Variants in STK31 observed in about 807,000 individuals in gnomAD.
STK31 encodes serine/threonine kinase 31, also known as serine/threonine-protein kinase 31.
In STK31, 89 loss-of-function variants were observed where a neutral mutation model predicts 129.7. The ratio of observed to expected loss-of-function variants is 0.69; its 90% CI spans 0.58 to 0.82. The LOEUF (loss-of-function observed/expected upper bound fraction) is 0.82. STK31 is among the 40% of genes least tolerant of loss of function. The pLI is 0.00. For missense variants in STK31, 1,187 were observed against 1,176.4 expected (o/e 1.01, Z -0.13); for synonymous variants, 448 against 395.3 (o/e 1.13, Z -1.58).
rs1787459237 is a variant in STK31 at position 23,731,975 on chromosome 7, A to T, written c.483+2726A>T. Among the ~76,000 whole-genome samples the T allele has an allele frequency of 5.9e-5, 9 of 152,306 alleles. No individual in the cohort carries two copies. The South Asian group carries it at 1.9e-3, about 32-fold the overall frequency. On this transcript the variant is annotated intron_variant, in intron 6 of 23. Coordinates refer to ENST00000355870, the MANE Select transcript of STK31 (RefSeq NM_031414.5). ...TGACATTCATCTTTTTTAATGATTG[A>T]AAGCCTTATGTTCTAAACCAGTGAC...
At chr7:23,713,424 C>G (rs1327960666) in intron 3 of STK31, among the ~76,000 whole-genome samples, 1 of 152,140 alleles carries the variant, frequency 6.6e-6, no homozygotes, top group Non-Finnish European at 1.5e-5. Context: ...CTGTACACTA[C>G]TGTATACTTT....
Position 23,769,685 on chromosome 7 carries a change from A to G in STK31, c.1642A>G (p.Met548Val), listed in dbSNP as rs553127613. ...VEGSLISEDAMDNIDEILEKT... is the reference protein window; with the variant it reads ...VEGSLISEDAVDNIDEILEKT... The stretch of plus-strand genomic sequence containing the variant: ...AGGATCACTGATTTCAGAAGACGCA[A>G]TGGATAATATTGATGAAATCCTAGA... Residue 548 changes from methionine to valine, a missense_variant, in exon 13 of 24, where the codon ATG (methionine) becomes GTG (valine). Transcript: ENST00000355870. 3.0e-5 allele frequency: 48 copies of G among 1,612,332 alleles called. No homozygotes were observed. Among genetic ancestry groups the G allele is most frequent in the Non-Finnish European group, 3.5e-5 (41 of 1,179,028 alleles).
At chr7:23,821,744 G>A (rs1240131246) in intron 23 of STK31, among the ~76,000 whole-genome samples, 1 of 152,122 alleles carries the variant, frequency 6.6e-6, no homozygotes, top group Non-Finnish European at 1.5e-5. Flanking sequence ...ATGTCATGAA[G>A]TGTTTCCCTT....
chr7:23,749,533 G>GGGT (rs1788566898), intron 8 of STK31, among the ~76,000 whole-genome samples: 2 of 129,894 alleles, frequency 1.5e-5, no homozygotes, highest in African/African-American at 3.0e-5. Flanking sequence ...TTTTTTTTTG[G>GGGT]GGGTAGAGAC....
chr7:23,723,144 C>T (rs1226344471), intron 4 of STK31, among the ~76,000 whole-genome samples: 3 of 152,252 alleles, frequency 2.0e-5, no homozygotes, highest in South Asian at 2.1e-4. Flanking sequence ...CCGTCTTCTG[C>T]GTCGCTCACA....
intron 4 of STK31, 33 bp downstream of exon 4, chr7:23,717,612 T>G (rs1211285912): frequency 1.3e-6 from 2 of 1,497,440 alleles, no homozygotes; most frequent in Non-Finnish European, 1.8e-6. Flanking sequence ...ATTATTTCAT[T>G]CCTCCTGTCA....
At chr7:23,811,987 A>G (rs1233351717) in intron 22 of STK31, among the ~76,000 whole-genome samples, 2 of 152,192 alleles carry the variant, frequency 1.3e-5, no homozygotes, top group Non-Finnish European at 2.9e-5. Context: ...AAAACTCATG[A>G]TGAGAAGGAT....
At chr7:23,812,036 G>C (rs1427016511) in intron 22 of STK31, among the ~76,000 whole-genome samples, 1 of 151,984 alleles carries the variant, frequency 6.6e-6, no homozygotes, top group African/African-American at 2.4e-5. Context: ...TTTTTCCATT[G>C]TTATTTCTTC....
Position 23,783,566 on chromosome 7 carries a change from T to G in STK31, c.2068-17T>G, listed in dbSNP as rs1438675506. ...TATATTGATCTACAGTTAAAAACTT[T>G]TTTTTTTTAACTTTAGGAGATGCTA... On this transcript the variant is annotated splice_polypyrimidine_tract_variant and intron_variant, in intron 16 of 23. Transcript: ENST00000355870. 50 of 1,589,156 alleles carry G rather than the reference T, an allele frequency of 3.1e-5. No individual in the cohort carries two copies. The highest frequency in any genetic ancestry group is 4.2e-5 in the Non-Finnish European group (49 of 1,173,294).
chr7:23,815,664 C>G lies in STK31; in HGVS notation c.2829+452C>G, dbSNP rs1442522550. Among the ~76,000 whole-genome samples the G allele has an allele frequency of 2.0e-5, 3 of 152,026 alleles. No homozygotes were observed. The East Asian group carries it at 5.8e-4, about 29-fold the overall frequency. On this transcript the variant is annotated intron_variant, in intron 23 of 23. Coordinates refer to ENST00000355870, the MANE Select transcript of STK31 (RefSeq NM_031414.5). ...GAAATGAATAATTTAGAAATGTGAA[C>G]AAGTAAGTGATTAACATCTATAAGT... is the stretch of plus-strand genomic sequence containing the variant.
intron 6 of STK31, among the ~76,000 whole-genome samples, chr7:23,734,943 C>T (rs113636863): frequency 0.015 from 2,228 of 152,110 alleles, 43 homozygotes; most frequent in African/African-American, 0.05. Context: ...CCAGCCTGTG[C>T]GACAGAGTGA....
chr7:23,791,095 A>G (rs373720461), intron 22 of STK31, 149 bp downstream of exon 22: 2 of 912,432 alleles, frequency 2.2e-6, no homozygotes, highest in Non-Finnish European at 2.9e-6. Flanking sequence ...TATGCTTCCT[A>G]TTACCTATTG....
At chr7:23,769,920 A>G (rs1211788866) in intron 13 of STK31, among the ~76,000 whole-genome samples, 164 bp downstream of exon 13, 2 of 152,188 alleles carry the variant, frequency 1.3e-5, no homozygotes, top group African/African-American at 2.4e-5. Flanking sequence ...AACAATGTCT[A>G]GTTCTAATCC....
intron 22 of STK31, chr7:23,791,460 A>C (rs1236507643): frequency 4.3e-6 from 1 of 232,312 alleles, no homozygotes; most frequent in Non-Finnish European, 7.1e-6. Flanking sequence ...ACTGGGGTCT[A>C]CTTGAGGGTG....
intron 4 of STK31, among the ~76,000 whole-genome samples, chr7:23,725,031 T>G (rs1354257805): frequency 2.0e-5 from 3 of 152,190 alleles, no homozygotes; most frequent in African/African-American, 4.8e-5. Flanking sequence ...AAGGAGCATT[T>G]TTAGACCTGT....
At chr7:23,713,482 C>T (rs1786105540) in intron 3 of STK31, among the ~76,000 whole-genome samples, 2 of 152,088 alleles carry the variant, frequency 1.3e-5, no homozygotes, top group South Asian at 2.1e-4. Flanking sequence ...AAATATTTTT[C>T]TTCAATAAAC....
At chr7:23,770,833 T>C (rs374087428) in intron 13 of STK31, among the ~76,000 whole-genome samples, 172 bp from the exon 14 acceptor site, 3 of 152,328 alleles carry the variant, frequency 2.0e-5, no homozygotes, top group East Asian at 3.9e-4. Context: ...ATGAACATCT[T>C]TGATATCTAT....
intron 4 of STK31, among the ~76,000 whole-genome samples, chr7:23,719,289 C>G (rs757217464): frequency 7.2e-5 from 11 of 152,024 alleles, no homozygotes; most frequent in Admixed American, 7.2e-4. Flanking sequence ...CTACTGTACA[C>G]TTTGCCAAGG....
At chr7:23,784,811 T>C (rs1349223153) in intron 17 of STK31, among the ~76,000 whole-genome samples, 1 of 152,166 alleles carries the variant, frequency 6.6e-6, no homozygotes, top group Non-Finnish European at 1.5e-5. Context: ...TTTTAAAAAG[T>C]AGCAGAAATA....
Sources: gnomAD v4.1 joint callset for allele counts (sites outside exome capture counted in the v4.1 genomes callset) on GRCh38, gnomAD v4.1.1 for gene constraint, MANE v1.5 for transcripts, NCBI Gene and HGNC (gene_info 2026-07-23, HGNC 2026-07-21) for gene names.